The following CADM2 variants were observed in gnomAD, a reference collection of about 807,000 sequenced individuals.
The protein encoded by CADM2 is cell adhesion molecule 2, also known as immunoglobulin superfamily member 4D.
A neutral mutation model predicts 49.8 loss-of-function variants in CADM2; 12 were observed. The ratio of observed to expected loss-of-function variants is 0.24; its 90% CI spans 0.15 to 0.39. CADM2 has a LOEUF of 0.39. CADM2 is among the 10% of genes least tolerant of loss of function. The pLI is 1.00. For synonymous variants in CADM2, 214 were observed against 175.4 expected, an observed-to-expected ratio of 1.22 and a Z score of -1.74; for missense variants, 378 against 492.3, an observed-to-expected ratio of 0.77 and a Z score of 2.20.
At chr3:85,399,807 C>T (rs992918968) in intron 1 of CADM2, among the ~76,000 whole-genome samples, 3 of 152,210 alleles carry the variant, frequency 2.0e-5, no homozygotes, top group South Asian at 4.1e-4. Context: ...GTGATTTTTG[C>T]ACATTGATTT....
chr3:85,939,990 T>A, intron 7 of CADM2, among the ~76,000 whole-genome samples: 1 of 141,048 alleles, frequency 7.1e-6, no homozygotes, highest in South Asian at 2.3e-4. Flanking sequence ...AATGTATTTT[T>A]CTATTAGGAT....
intron 1 of CADM2, among the ~76,000 whole-genome samples, chr3:85,628,144 A>T (rs1156595803): frequency 2.0e-5 from 3 of 152,044 alleles, no homozygotes; most frequent in Non-Finnish European, 4.4e-5. Context: ...TAATGAATGA[A>T]GAAGTGGATC....
At chr3:85,778,062 G>A (rs562363851) in intron 2 of CADM2, among the ~76,000 whole-genome samples, 1 of 152,212 alleles carries the variant, frequency 6.6e-6, no homozygotes, top group Admixed American at 6.5e-5. Context: ...ATTCATATGG[G>A]CTGAGCCTAA....
At chr3:85,511,814 T>A in intron 1 of CADM2, 1 of 905,288 alleles carries the variant, frequency 1.1e-6, no homozygotes, top group Non-Finnish European at 1.3e-6. Context: ...CGAAATAATA[T>A]CCCTTTGAAA....
intron 1 of CADM2, among the ~76,000 whole-genome samples, chr3:85,101,239 G>A (rs570633983): frequency 6.6e-6 from 1 of 152,242 alleles, no homozygotes; most frequent in East Asian, 1.9e-4. Flanking sequence ...GGGTGACAGA[G>A]CAAGACTTCG....
intron 1 of CADM2, among the ~76,000 whole-genome samples, chr3:85,044,009 G>A (rs2035551499): frequency 1.3e-5 from 2 of 152,016 alleles, no homozygotes; most frequent in South Asian, 4.1e-4. Context: ...CACTCACAAT[G>A]TGAACACACA....
chr3:85,720,943 A>G (rs371260749), intron 1 of CADM2, among the ~76,000 whole-genome samples: 1 of 152,224 alleles, frequency 6.6e-6, no homozygotes, highest in Non-Finnish European at 1.5e-5. Context: ...AATAAAAATC[A>G]TTGGTTTGTT....
chr3:85,370,795 C>A (rs183372424), intron 1 of CADM2, among the ~76,000 whole-genome samples: 1 of 152,042 alleles, frequency 6.6e-6, no homozygotes, highest in Admixed American at 6.6e-5. Context: ...AGATAACAGC[C>A]CCATGCATGT....
chr3:85,955,239 A>G (rs888096667), intron 7 of CADM2, among the ~76,000 whole-genome samples: 1 of 151,544 alleles, frequency 6.6e-6, no homozygotes, highest in Middle Eastern at 3.4e-3. Context: ...TTTAATTTTC[A>G]TAGGATTAAT....
intron 8 of CADM2, among the ~76,000 whole-genome samples, chr3:85,995,548 C>T (rs919919108): frequency 3.3e-5 from 5 of 152,024 alleles, no homozygotes; most frequent in African/African-American, 1.2e-4. Context: ...GCCATTTAAC[C>T]TACTTTCTGC....
intron 1 of CADM2, among the ~76,000 whole-genome samples, chr3:85,074,315 A>G (rs2036863220): frequency 6.6e-6 from 1 of 151,652 alleles, no homozygotes; most frequent in Admixed American, 6.6e-5. Flanking sequence ...CTAAAATCTC[A>G]ACTTCTCAGT....
At chr3:85,689,796 G>T (rs2066328193) in intron 1 of CADM2, among the ~76,000 whole-genome samples, 2 of 152,280 alleles carry the variant, frequency 1.3e-5, no homozygotes, top group African/African-American at 2.4e-5. Context: ...TAGACTTAAA[G>T]CAGTGCCTGT....
chr3:85,998,576 AT>A (rs1445973852), intron 8 of CADM2, among the ~76,000 whole-genome samples: 1 of 152,184 alleles, frequency 6.6e-6, no homozygotes, highest in Non-Finnish European at 1.5e-5. Flanking sequence ...TATTGATTGA[AT>A]ATTCAGTATT....
At chr3:85,294,362 G>T (rs926006885) in intron 1 of CADM2, among the ~76,000 whole-genome samples, 1 of 151,926 alleles carries the variant, frequency 6.6e-6, no homozygotes, top group Admixed American at 6.6e-5. Context: ...TGGCCATACT[G>T]CCCAAGGTAA....
At chr3:85,048,840 G>A (rs1052635002) in intron 1 of CADM2, among the ~76,000 whole-genome samples, 1 of 152,076 alleles carries the variant, frequency 6.6e-6, no homozygotes, top group Non-Finnish European at 1.5e-5. Context: ...GTTTGGTATA[G>A]ACTGGAAACA....
At position 85,657,077 on chromosome 3, in the gene CADM2, C is replaced by A. The variant is rs369942697; in HGVS notation, c.62-69445C>A. The stretch of plus-strand genomic sequence containing the variant: ...TTGAAATTCTACCACTTTCTCCCCA[C>A]TTAGATTCAAGCCATCTCCTCTACG... On this transcript the variant is annotated intron_variant, in intron 1 of 9. Coordinates refer to ENST00000383699, the MANE Select transcript of CADM2 (RefSeq NM_001167675.2). Among the ~76,000 whole-genome samples, 15 of 152,316 alleles carry A rather than the reference C, an allele frequency of 9.8e-5. No homozygotes were observed. The South Asian group carries it at 2.7e-3, about 27-fold the overall frequency.
At chr3:85,934,790 A>G (rs529035350) in intron 6 of CADM2, among the ~76,000 whole-genome samples, 25 of 152,146 alleles carry the variant, frequency 1.6e-4, no homozygotes, top group South Asian at 6.2e-4. Flanking sequence ...GTATATAATA[A>G]CAGTGCAGAT....
chr3:85,340,480 T>C (rs1164586769), intron 1 of CADM2, among the ~76,000 whole-genome samples: 2 of 151,620 alleles, frequency 1.3e-5, no homozygotes, highest in African/African-American at 2.4e-5. Context: ...TAGATACATA[T>C]ATATGTGCAT....
At chr3:85,410,181 A>G (rs1171747102) in intron 1 of CADM2, among the ~76,000 whole-genome samples, 1 of 152,170 alleles carries the variant, frequency 6.6e-6, no homozygotes, top group Non-Finnish European at 1.5e-5. Flanking sequence ...AGTTAAAATA[A>G]TTCCTTATAT....
Sources: allele counts gnomAD v4.1 joint callset (sites outside exome capture counted in the v4.1 genomes callset), GRCh38; gene constraint gnomAD v4.1.1; transcripts MANE v1.5; gene names NCBI Gene and HGNC (gene_info 2026-07-23, HGNC 2026-07-21).